The following PDE1A variants were observed in gnomAD, a reference collection of about 807,000 sequenced individuals.
PDE1A encodes dual specificity calcium/calmodulin-dependent 3',5'-cyclic nucleotide phosphodiesterase 1A.
In PDE1A, 35 loss-of-function variants were observed where a neutral mutation model predicts 61.7. The ratio of observed to expected loss-of-function variants is 0.57; its 90% confidence interval spans 0.43 to 0.75. The LOEUF (loss-of-function observed/expected upper bound fraction) is 0.75. Among genes scored for constraint, PDE1A ranks in the 30% least tolerant of loss-of-function variants. The probability of loss-of-function intolerance (pLI) is 0.00; values close to 1 mark genes in which losing one functional copy is unlikely to be tolerated. For missense variants in PDE1A, 597 were observed against 630.6 expected, an observed-to-expected ratio of 0.95 and a Z score of 0.57; for synonymous variants, 232 against 213.2, an observed-to-expected ratio of 1.09 and a Z score of -0.77.
intron 7 of PDE1A, among the ~76,000 whole-genome samples, chr2:182,223,082 A>G (rs1467777276): frequency 1.3e-5 from 2 of 152,024 alleles, no homozygotes; most frequent in Non-Finnish European, 2.9e-5. Context: ...TAATGAAGTA[A>G]CAAGAGTGGG....
intron 3 of PDE1A, among the ~76,000 whole-genome samples, chr2:182,238,450 G>T (rs1267240701): frequency 6.6e-6 from 1 of 152,060 alleles, no homozygotes; most frequent in Admixed American, 6.6e-5. Flanking sequence ...TTGCAGGAGT[G>T]GAGATGAGGA....
chr2:182,610,019 C>T, the PDE1A span, among the ~76,000 whole-genome samples: 1,360 of 150,636 alleles, frequency 9.0e-3, 10 homozygotes, highest in South Asian at 0.024. Context: ...ACCCAGGAGG[C>T]GGAGGTTGCA....
chr2:182,327,725 G>C lies in PDE1A; in HGVS notation c.54-63311C>G, dbSNP rs141887667. Among the ~76,000 whole-genome samples, 55 of 152,324 alleles carry C rather than the reference G, an allele frequency of 3.6e-4. No homozygotes were observed. In the South Asian group the frequency reaches 0.01, roughly 28 times the overall value. On this transcript the variant is annotated intron_variant, in intron 1 of 13. Transcript: ENST00000351439. ...GACAAAGCCTGATTCCAGTGGGTTTGAGAAGTATGGAGGAATAGGAAGTAG... is the reference window on the plus strand; with the variant it reads ...GACAAAGCCTGATTCCAGTGGGTTTCAGAAGTATGGAGGAATAGGAAGTAG...
chr2:182,476,417 G>A (rs1371038699), intron 2 of PDE1A, among the ~76,000 whole-genome samples: 2 of 151,880 alleles, frequency 1.3e-5, no homozygotes, highest in African/African-American at 2.4e-5. Flanking sequence ...CTTGAACCCA[G>A]GAGGCACAGG....
At chr2:182,320,083 C>T (rs1383380492) in intron 1 of PDE1A, among the ~76,000 whole-genome samples, 3 of 152,116 alleles carry the variant, frequency 2.0e-5, no homozygotes, top group Admixed American at 6.6e-5. Flanking sequence ...CTATACAAGT[C>T]GTCTTGGCTC....
chr2:182,359,211 C>T (rs1310661723), intron 1 of PDE1A, among the ~76,000 whole-genome samples: 1 of 152,114 alleles, frequency 6.6e-6, no homozygotes, highest in Non-Finnish European at 1.5e-5. Flanking sequence ...AACAGTTCTG[C>T]TTCCTTAGTT....
At chr2:182,646,326 C>T in the PDE1A span, among the ~76,000 whole-genome samples, 1 of 149,800 alleles carries the variant, frequency 6.7e-6, no homozygotes, top group East Asian at 1.9e-4. Flanking sequence ...GTGGTGCGTA[C>T]CTGTAGTCCC....
At chr2:182,605,777 T>A in the PDE1A span, among the ~76,000 whole-genome samples, 1 of 152,202 alleles carries the variant, frequency 6.6e-6, no homozygotes, top group Non-Finnish European at 1.5e-5. Context: ...AATCCAGAGC[T>A]GCTCACCAAG....
the PDE1A span, among the ~76,000 whole-genome samples, chr2:182,642,267 A>C: frequency 6.6e-6 from 1 of 152,342 alleles, no homozygotes; most frequent in African/African-American, 2.4e-5. Flanking sequence ...AAGTGACAGA[A>C]AAATGTAAGT....
At position 182,368,430 on chromosome 2, in the gene PDE1A, T is replaced by G. The variant is rs146502387; in HGVS notation, c.53+58148A>C. Among the ~76,000 whole-genome samples the G allele has an allele frequency of 3.2e-3, 493 of 151,956 alleles. 5 individuals are homozygous for G. The highest frequency in any genetic ancestry group is 0.011 in the African/African-American group (474 of 41,440). On this transcript the variant is annotated intron_variant, in intron 1 of 13. Coordinates refer to ENST00000351439, the Ensembl canonical transcript of PDE1A. ...TTTTCCCCTTCCCACTCTTTTTTATTCATTCCATTTATCTGTTGAAGGAAC... is the reference window on the plus strand; with the variant it reads ...TTTTCCCCTTCCCACTCTTTTTTATGCATTCCATTTATCTGTTGAAGGAAC...
the PDE1A span, among the ~76,000 whole-genome samples, chr2:182,648,732 G>C: frequency 2.7e-5 from 4 of 150,110 alleles, no homozygotes; most frequent in Admixed American, 2.0e-4. Flanking sequence ...TTCAAGACAA[G>C]GCAGTTAAAG....
chr2:182,530,340 GAA>G, the PDE1A span, among the ~76,000 whole-genome samples: 11 of 1,932 alleles, frequency 5.7e-3, no homozygotes, highest in Non-Finnish European at 8.4e-3. Context: ...GATGCCAGAT[GAA>G]AAGCAGGGGG....
intron 2 of PDE1A, among the ~76,000 whole-genome samples, chr2:182,484,847 T>C (rs1687916807): frequency 2.0e-5 from 3 of 151,802 alleles, no homozygotes; most frequent in African/African-American, 7.3e-5. Flanking sequence ...ATGGATACTA[T>C]TAAAACATCA....
chr2:182,318,333 G>A (rs938071725), intron 1 of PDE1A, among the ~76,000 whole-genome samples: 3 of 151,984 alleles, frequency 2.0e-5, no homozygotes, highest in African/African-American at 7.2e-5. Context: ...CACACCCTCT[G>A]ACCCCAGTTG....
upstream of PDE1A, among the ~76,000 whole-genome samples, chr2:182,525,896 T>C (rs988602195): frequency 2.0e-5 from 3 of 151,898 alleles, no homozygotes; most frequent in Non-Finnish European, 4.4e-5. Flanking sequence ...TAAAAATAAT[T>C]ACATGAGTTA....
intron 1 of PDE1A, among the ~76,000 whole-genome samples, chr2:182,419,264 C>A (rs1703118022): frequency 6.6e-6 from 1 of 151,630 alleles, no homozygotes; most frequent in South Asian, 2.1e-4. Context: ...TTTAATGCTA[C>A]AAAATTATAT....
At chr2:182,540,106 T>G in the PDE1A span, among the ~76,000 whole-genome samples, 1 of 152,042 alleles carries the variant, frequency 6.6e-6, no homozygotes, top group Non-Finnish European at 1.5e-5. Context: ...GGCTCACACG[T>G]GTAATTCAGC....
At chr2:182,501,884 T>C (rs1300251271) in intron 2 of PDE1A, among the ~76,000 whole-genome samples, 4 of 152,224 alleles carry the variant, frequency 2.6e-5, no homozygotes, top group East Asian at 3.8e-4. Flanking sequence ...ATCACACTTA[T>C]GTTTTCTGGC....
At chr2:182,379,203 C>A (rs1281120266) in intron 1 of PDE1A, among the ~76,000 whole-genome samples, 1 of 152,094 alleles carries the variant, frequency 6.6e-6, no homozygotes, top group Non-Finnish European at 1.5e-5. Context: ...TTGCTTCATG[C>A]CAAATACTTC....
Sources: allele counts gnomAD v4.1 joint callset (sites outside exome capture counted in the v4.1 genomes callset), GRCh38; gene constraint gnomAD v4.1.1; transcripts MANE v1.5; gene names NCBI Gene and HGNC (gene_info 2026-07-23, HGNC 2026-07-21).